CCSER1: variants seen among roughly 807,000 people sequenced by gnomAD.
CCSER1 encodes the protein coiled-coil serine rich protein 1.
A neutral mutation model predicts 82.0 loss-of-function variants in CCSER1; 41 were observed. The observed-to-expected ratio is 0.50, with a 90% CI of 0.39 to 0.65. The LOEUF (loss-of-function observed/expected upper bound fraction) is 0.65, where lower values mean the gene tolerates loss of function less well. Among genes scored for constraint, CCSER1 ranks in the 30% least tolerant of loss-of-function variants. CCSER1 has a pLI of 0.00. For missense variants in CCSER1, 1,119 were observed against 1,064.2 expected (o/e 1.05, Z -0.72); for synonymous variants, 414 against 383.9 (o/e 1.08, Z -0.92).
chr4:90,449,053 G>T (rs1251859080), intron 4 of CCSER1, among the ~76,000 whole-genome samples: 1 of 152,146 alleles, frequency 6.6e-6, no homozygotes, highest in East Asian at 1.9e-4. Context: ...CATCTGTTCA[G>T]CTCTCAGCTA....
chr4:91,120,999 A>T (rs1727035750), intron 10 of CCSER1, among the ~76,000 whole-genome samples: 2 of 151,854 alleles, frequency 1.3e-5, no homozygotes, highest in African/African-American at 4.8e-5. Flanking sequence ...TTCTATTCTG[A>T]TTTGGAAAAG....
chr4:91,336,978 A>G (rs2149282918), intron 10 of CCSER1, among the ~76,000 whole-genome samples: 1 of 152,092 alleles, frequency 6.6e-6, no homozygotes, highest in African/African-American at 2.4e-5. Flanking sequence ...AAATAAATAC[A>G]AATGCATATA....
intron 5 of CCSER1, among the ~76,000 whole-genome samples, chr4:90,546,392 A>G (rs1237757495): frequency 2.0e-5 from 3 of 152,156 alleles, no homozygotes; most frequent in African/African-American, 4.8e-5. Flanking sequence ...TAACAGTGTT[A>G]TATTTCATTG....
intron 4 of CCSER1, among the ~76,000 whole-genome samples, chr4:90,465,113 G>T (rs1402733909): frequency 6.6e-6 from 1 of 151,868 alleles, no homozygotes; most frequent in African/African-American, 2.4e-5. Flanking sequence ...ACAGGCACGT[G>T]CCACCACATC....
At chr4:91,077,858 G>C (rs923723218) in intron 9 of CCSER1, among the ~76,000 whole-genome samples, 13 of 152,240 alleles carry the variant, frequency 8.5e-5, no homozygotes, top group African/African-American at 3.1e-4. Context: ...TAGCACAGCA[G>C]TCTGACATAG....
intron 10 of CCSER1, among the ~76,000 whole-genome samples, chr4:91,225,632 C>A (rs1240604295): frequency 6.6e-6 from 1 of 151,590 alleles, no homozygotes; most frequent in Non-Finnish European, 1.5e-5. Context: ...CAAAGGAAGG[C>A]AGAATTTGTG....
intron 9 of CCSER1, among the ~76,000 whole-genome samples, chr4:91,031,062 T>C (rs772099495): frequency 2.0e-4 from 31 of 152,190 alleles, no homozygotes; most frequent in Non-Finnish European, 3.7e-4. Context: ...AGCATATTTC[T>C]ATGTGAAAGT....
intron 10 of CCSER1, among the ~76,000 whole-genome samples, chr4:91,180,103 C>G (rs184901249): frequency 6.6e-6 from 1 of 152,158 alleles, no homozygotes; most frequent in African/African-American, 2.4e-5. Context: ...TGGGTATCAC[C>G]AGTGGAGCCT....
At chr4:90,647,706 G>T (rs1054648826) in intron 6 of CCSER1, among the ~76,000 whole-genome samples, 2 of 151,952 alleles carry the variant, frequency 1.3e-5, no homozygotes, top group African/African-American at 2.4e-5. Flanking sequence ...TTGTAGAGTC[G>T]GGTGTAGGAG....
rs541479613 is a variant in CCSER1 at position 91,144,380 on chromosome 4, A to G, written c.2217+58386A>G. ...TCTCTGTGAGTCTAGATAACATTCT[A>G]TAGACCTCATTTATTCTTTCAAAGA... On this transcript the variant is annotated intron_variant, in intron 10 of 10. Coordinates refer to ENST00000509176, the MANE Select transcript of CCSER1 (RefSeq NM_001145065.2). Among the ~76,000 whole-genome samples, 16 of 152,056 alleles carry G rather than the reference A, an allele frequency of 1.1e-4. No homozygotes were observed. In the South Asian group the frequency reaches 1.9e-3, roughly 18 times the overall value.
chr4:91,187,691 AC>A (rs1734675478), intron 10 of CCSER1, among the ~76,000 whole-genome samples: 1 of 152,074 alleles, frequency 6.6e-6, no homozygotes, highest in South Asian at 2.1e-4. Context: ...AGCTGGTGTT[AC>A]AAGCGTGCTG....
At chr4:90,512,626 G>T (rs552308467) in intron 5 of CCSER1, among the ~76,000 whole-genome samples, 2 of 152,140 alleles carry the variant, frequency 1.3e-5, no homozygotes, top group African/African-American at 4.8e-5. Flanking sequence ...ATGTGAATCA[G>T]AAAAATAACT....
chr4:91,284,643 C>T (rs536196060), intron 10 of CCSER1, among the ~76,000 whole-genome samples: 17 of 152,210 alleles, frequency 1.1e-4, no homozygotes, highest in Admixed American at 6.6e-4. Flanking sequence ...TGTCTTTCCT[C>T]TTTTCCCACA....
At chr4:91,406,934 T>C (rs1578382944) in intron 10 of CCSER1, among the ~76,000 whole-genome samples, 1 of 152,296 alleles carries the variant, frequency 6.6e-6, no homozygotes, top group Non-Finnish European at 1.5e-5. Context: ...ACATGGCACA[T>C]TGAAGATGTG....
chr4:90,243,261 T>G (rs991035681), intron 1 of CCSER1, among the ~76,000 whole-genome samples: 10 of 150,344 alleles, frequency 6.7e-5, no homozygotes, highest in African/African-American at 2.5e-4. Flanking sequence ...TATTTACTAT[T>G]TTTTTGAGAT....
intron 8 of CCSER1, among the ~76,000 whole-genome samples, chr4:90,888,031 T>G (rs1722411316): frequency 6.6e-6 from 1 of 152,080 alleles, no homozygotes; most frequent in Non-Finnish European, 1.5e-5. Context: ...CATGTAAAAA[T>G]AAAATGACAA....
intron 1 of CCSER1, among the ~76,000 whole-genome samples, chr4:90,156,759 A>ATTTTATT (rs1728284733): frequency 6.6e-6 from 1 of 151,936 alleles, no homozygotes; most frequent in Non-Finnish European, 1.5e-5. Context: ...TTTTGAGCCT[A>ATTTTATT]TGTGTGTCTC....
Position 91,474,824 on chromosome 4 carries a change from C to T in CCSER1, c.2218-123748C>T, listed in dbSNP as rs1240111064. On this transcript the variant is annotated intron_variant, in intron 10 of 10. Transcript: ENST00000509176. ...ATATATATATATATACACACACACA[C>T]ACACACACACACACATTGCCTTCCA... Among the ~76,000 whole-genome samples the T allele has an allele frequency of 4.4e-3, 643 of 147,312 alleles. 4 individuals are homozygous for T. Among genetic ancestry groups the T allele is most frequent in the Middle Eastern group, 0.018 (5 of 280 alleles).
chr4:91,401,338 A>G (rs1167858113), intron 10 of CCSER1, among the ~76,000 whole-genome samples: 1 of 148,336 alleles, frequency 6.7e-6, no homozygotes, highest in Admixed American at 6.8e-5. Context: ...TATATTACAT[A>G]TAATATACTA....
Sources: allele counts gnomAD v4.1 joint callset (sites outside exome capture counted in the v4.1 genomes callset), GRCh38; gene constraint gnomAD v4.1.1; transcripts MANE v1.5; gene names NCBI Gene and HGNC (gene_info 2026-07-23, HGNC 2026-07-21).